POU2F1: variants seen among roughly 807,000 people sequenced by gnomAD.
POU2F1 encodes POU class 2 homeobox 1.
A neutral mutation model predicts 84.9 loss-of-function variants in POU2F1; 16 were observed. The observed-to-expected ratio is 0.19, with a 90% CI of 0.13 to 0.29. The LOEUF (loss-of-function observed/expected upper bound fraction) is 0.29, where lower values mean the gene tolerates loss of function less well. POU2F1 is among the 10% of genes least tolerant of loss of function. The probability of loss-of-function intolerance (pLI) is 1.00; values close to 1 mark genes in which losing one functional copy is unlikely to be tolerated. For synonymous variants in POU2F1, 368 were observed against 368.3 expected (o/e 1.00, Z 0.01); for missense variants, 738 against 942.6 (o/e 0.78, Z 2.84).
intron 10 of POU2F1, chr1:167,396,722 G>C: frequency 4.1e-6 from 1 of 242,326 alleles, no homozygotes; most frequent in Non-Finnish European, 7.9e-6. Flanking sequence ...TGAAGGAATA[G>C]GATAAGTAAG....
At chr1:167,371,001 T>C (rs556599286) in intron 4 of POU2F1, among the ~76,000 whole-genome samples, 7 of 152,180 alleles carry the variant, frequency 4.6e-5, no homozygotes, top group Non-Finnish European at 8.8e-5. Flanking sequence ...TTATGGAAGA[T>C]TGATTTCAGT....
intron 1 of POU2F1, among the ~76,000 whole-genome samples, chr1:167,315,308 T>C (rs1278187200): frequency 6.6e-6 from 1 of 152,218 alleles, no homozygotes; most frequent in East Asian, 1.9e-4. Context: ...ACAGATGTGC[T>C]TTACATATTA....
intron 1 of POU2F1, among the ~76,000 whole-genome samples, chr1:167,262,139 T>A (rs113218516): frequency 3.3e-5 from 5 of 152,352 alleles, no homozygotes; most frequent in African/African-American, 1.2e-4. Flanking sequence ...AGCAGCTAAT[T>A]ACAGTGCAGG....
intron 3 of POU2F1, among the ~76,000 whole-genome samples, chr1:167,365,888 A>T (rs1403165091): frequency 6.6e-6 from 1 of 152,198 alleles, no homozygotes; most frequent in Non-Finnish European, 1.5e-5. Flanking sequence ...TCATCCAGAA[A>T]GATGTAGCTA....
intron 1 of POU2F1, among the ~76,000 whole-genome samples, chr1:167,281,961 A>C (rs753634331): frequency 1.2e-4 from 18 of 152,046 alleles, no homozygotes; most frequent in Non-Finnish European, 2.6e-4. Flanking sequence ...CATGTTACTT[A>C]GTACCAAGGC....
chr1:167,272,626 G>A (rs1652455182), intron 1 of POU2F1, among the ~76,000 whole-genome samples: 1 of 152,026 alleles, frequency 6.6e-6, no homozygotes, highest in Admixed American at 6.5e-5. Context: ...GAAGTAGGAG[G>A]GGCTACACAC....
intron 14 of POU2F1, among the ~76,000 whole-genome samples, 195 bp from the exon 15 acceptor site, chr1:167,412,831 A>G (rs1407207261): frequency 6.6e-6 from 1 of 152,246 alleles, no homozygotes; most frequent in Non-Finnish European, 1.5e-5. Flanking sequence ...TGTGCTGATC[A>G]TAACCTCGTT....
Position 167,426,677 on chromosome 1 carries a change from G to A in POU2F1, c.*10867G>A, listed in dbSNP as rs1261677319. ...CTGTTGTCAAAGGAGGGGCACAAGG[G>A]GAATTGGCCCCCGGCCTCCTAGAAC... is the stretch of plus-strand genomic sequence containing the variant. On this transcript the variant is annotated 3_prime_UTR_variant, in exon 16 of 16. Transcript: ENST00000367866. 2 of 152,120 alleles carry A rather than the reference G, an allele frequency of 1.3e-5. No homozygotes were observed. The highest frequency in any genetic ancestry group is 2.9e-5 in the Non-Finnish European group (2 of 68,030). The allele number at this position is 152,120 out of a possible 1,614,324, so 9.4% of individuals were successfully genotyped here. A position where few individuals can be genotyped will look rare whatever the true frequency, so the allele number is the denominator to read the frequency against.
At chr1:167,353,406 A>G (rs1658713701) in intron 2 of POU2F1, among the ~76,000 whole-genome samples, 1 of 145,414 alleles carries the variant, frequency 6.9e-6, no homozygotes, top group South Asian at 2.2e-4. Context: ...CACCGCCTCC[A>G]TTATTTGAAT....
chr1:167,354,545 G>A (rs1316166046), intron 2 of POU2F1, among the ~76,000 whole-genome samples: 1 of 152,116 alleles, frequency 6.6e-6, no homozygotes, highest in African/African-American at 2.4e-5. Context: ...GCCCGTCTCG[G>A]CCTCCTGAAG....
In POU2F1 at chr1:167,374,161, G is replaced by A. The variant is rs2101852772; in HGVS notation, c.456G>A (p.Gln152=). The A allele has an allele frequency of 1.2e-6, 2 of 1,614,140 alleles. No homozygotes were observed. The highest frequency in any genetic ancestry group is 2.7e-5 in the African/African-American group (2 of 75,046). Residue 152 remains glutamine, a synonymous_variant, in exon 6 of 16, where the codon CAG becomes CAA. Coordinates refer to ENST00000367866, the MANE Select transcript of POU2F1 (RefSeq NM_002697.4). ...QQLLLQQAQA[Q]AQLLAAAVQQ... ...TACTACTCCAGCAGGCACAGGCACA[G>A]GCACAGCTGCTGGCTGCTGCAGTGC...
intron 2 of POU2F1, among the ~76,000 whole-genome samples, chr1:167,343,240 G>C (rs1041392611): frequency 6.6e-6 from 1 of 152,112 alleles, no homozygotes; most frequent in Non-Finnish European, 1.5e-5. Context: ...TTATACTTTT[G>C]TTAAATGACT....
intron 2 of POU2F1, among the ~76,000 whole-genome samples, chr1:167,334,000 CT>C (rs11371298): frequency 1.1e-4 from 16 of 151,136 alleles, no homozygotes; most frequent in Middle Eastern, 3.4e-3. Flanking sequence ...AAGAAACATA[CT>C]TTTTTTTTCC....
intron 2 of POU2F1, among the ~76,000 whole-genome samples, chr1:167,339,796 AATTT>A (rs1657712509): frequency 6.6e-6 from 1 of 152,226 alleles, no homozygotes; most frequent in Non-Finnish European, 1.5e-5. Flanking sequence ...TTCATTTGAC[AATTT>A]ATTACAAATT....
chr1:167,286,988 T>A (rs1557869738), intron 1 of POU2F1, among the ~76,000 whole-genome samples: 1 of 152,196 alleles, frequency 6.6e-6, no homozygotes, highest in Non-Finnish European at 1.5e-5. Flanking sequence ...GGGCCTTTGT[T>A]CAAACCACAC....
chr1:167,343,465 T>A (rs1246391123), intron 2 of POU2F1, among the ~76,000 whole-genome samples: 1 of 151,752 alleles, frequency 6.6e-6, no homozygotes, highest in Non-Finnish European at 1.5e-5. Flanking sequence ...ACTTTTTTCA[T>A]TTTTTTTCCT....
intron 1 of POU2F1, among the ~76,000 whole-genome samples, chr1:167,221,608 GCGCGCGGGGAGAGCTCCCTGCCCGCGCCC>G (rs1237754548): frequency 4.7e-5 from 7 of 150,508 alleles, no homozygotes; most frequent in Non-Finnish European, 8.9e-5. Context: ...AACCGGGGGT[GCGCGCGGGGAGAGCTCCCTGCCCGCGCCC>G]CGCGCGGGGC....
At chr1:167,236,122 T>C (rs1184853949) in intron 1 of POU2F1, among the ~76,000 whole-genome samples, 1 of 152,072 alleles carries the variant, frequency 6.6e-6, no homozygotes, top group Non-Finnish European at 1.5e-5. Flanking sequence ...TTTTTTTTTT[T>C]AGACAGACGA....
At chr1:167,314,178 A>G (rs1187017485) in intron 1 of POU2F1, among the ~76,000 whole-genome samples, 2 of 151,532 alleles carry the variant, frequency 1.3e-5, no homozygotes, top group African/African-American at 2.4e-5. Flanking sequence ...AGCCTGGGCA[A>G]CAGAGCAAGA....
Sources: gnomAD v4.1 joint callset for allele counts (sites outside exome capture counted in the v4.1 genomes callset) on GRCh38, gnomAD v4.1.1 for gene constraint, MANE v1.5 for transcripts, NCBI Gene and HGNC (gene_info 2026-07-23, HGNC 2026-07-21) for gene names.